ANXA4: variants seen among roughly 807,000 people sequenced by gnomAD.
ANXA4 encodes the protein annexin A4.
A neutral mutation model predicts 49.8 loss-of-function variants in ANXA4; 39 were observed. The ratio of observed to expected loss-of-function variants is 0.78; its 90% CI spans 0.61 to 1.02. The LOEUF (loss-of-function observed/expected upper bound fraction) is 1.02. ANXA4 is among the 50% of genes least tolerant of loss of function. ANXA4 has a pLI of 0.00. For synonymous variants in ANXA4, 134 were observed against 152.5 expected, an observed-to-expected ratio of 0.88 and a Z score of 0.89; for missense variants, 360 against 410.1, an observed-to-expected ratio of 0.88 and a Z score of 1.05.
At chr2:69,656,863 G>C (rs1386055651) in intron 2 of ANXA4, among the ~76,000 whole-genome samples, 1 of 151,900 alleles carries the variant, frequency 6.6e-6, no homozygotes. Context: ...AGTTCTTGCT[G>C]GTGTAACAGG....
rs72903016 is a variant in ANXA4, at chr2:69,732,901, G to T, written n.864+12030G>T. Among the ~76,000 whole-genome samples, 1,030 of 152,360 alleles carry T rather than the reference G, an allele frequency of 6.8e-3. 13 individuals carry two copies. Among genetic ancestry groups the T allele is most frequent in the African/African-American group, 0.023 (960 of 41,586 alleles). On this transcript the variant is annotated intron_variant and non_coding_transcript_variant, in intron 3 of 3. Coordinates refer to the ANXA4 transcript ENST00000418066. ...GCCCAGGTTGGATGTGGAGCAAGCT[G>T]TGGGTGCCACCTTTTCCTTGGAGAC...
intron 1 of ANXA4, 87 bp from the exon 2 acceptor site, chr2:69,781,433 G>A: frequency 9.0e-7 from 1 of 1,117,248 alleles, no homozygotes; most frequent in Non-Finnish European, 1.3e-6. Flanking sequence ...TCATGGCTTA[G>A]CTTCATGCAA....
chr2:69,675,187 G>T (rs1401720837), intron 2 of ANXA4, among the ~76,000 whole-genome samples: 2 of 152,134 alleles, frequency 1.3e-5, no homozygotes, highest in Admixed American at 6.6e-5. Flanking sequence ...CTCCCAAAGT[G>T]CTGGGATTAC....
Position 69,799,899 on chromosome 2 carries a change from G to A in ANXA4, c.98-4634G>A, listed in dbSNP as rs116167475. Among the ~76,000 whole-genome samples the A allele has an allele frequency of 6.9e-3, 1,043 of 152,244 alleles. 4 individuals carry two copies. Among genetic ancestry groups the A allele is most frequent in the Non-Finnish European group, 0.011 (782 of 68,014 alleles). ...AATGTTGCTAACAGTAACAACAACC[G>A]TAGCAATAATAGAAAATGTTTATTA... is the stretch of plus-strand genomic sequence containing the variant. On this transcript the variant is annotated intron_variant, in intron 3 of 12. Transcript: ENST00000394295.
At position 69,805,046 on chromosome 2, in the gene ANXA4, CAAAAAAAA is replaced by C. The variant is rs60172949; in HGVS notation, c.192+438_192+445del. ...TGGGCAACAGAGACAGACTCCATCT[CAAAAAAAA>C]AAAAAAAAAAAAAAAAAAGAATAGC... On this transcript the variant is annotated intron_variant, in intron 4 of 12. Coordinates refer to ENST00000394295, the MANE Select transcript of ANXA4 (RefSeq NM_001153.5). Among the ~76,000 whole-genome samples, 33 of 35,876 alleles carry C rather than the reference CAAAAAAAA, an allele frequency of 9.2e-4. 1 individual carries two copies. The East Asian group carries it at 0.032, about 35-fold the overall frequency. 23.5% of individuals were successfully genotyped at this position (35,876 alleles called of 152,430 possible).
chr2:69,740,923 C>G (rs1282143683), upstream of ANXA4, among the ~76,000 whole-genome samples: 17 of 145,076 alleles, frequency 1.2e-4, no homozygotes, highest in African/African-American at 4.1e-4. Flanking sequence ...AACTCCTGGG[C>G]TAAAGTGATC....
intron 3 of ANXA4, among the ~76,000 whole-genome samples, chr2:69,803,941 C>T (rs990582401): frequency 6.6e-6 from 1 of 152,006 alleles, no homozygotes; most frequent in African/African-American, 2.4e-5. Context: ...AGCTCAAGAC[C>T]AGCCTGGTCA....
chr2:69,717,369 C>T (rs76713202), intron 2 of ANXA4, among the ~76,000 whole-genome samples: 7,608 of 152,132 alleles, frequency 0.05, 609 homozygotes, highest in African/African-American at 0.17. Flanking sequence ...GCCTTTCATC[C>T]CACACTCCCA....
chr2:69,646,198 A>G (rs565784624), intron 1 of ANXA4, among the ~76,000 whole-genome samples: 32 of 152,326 alleles, frequency 2.1e-4, no homozygotes, highest in African/African-American at 7.7e-4. Flanking sequence ...TACAACTCTT[A>G]GTAATTTTTT....
At chr2:69,772,302 G>A (rs1057258630) in intron 1 of ANXA4, among the ~76,000 whole-genome samples, 6 of 152,332 alleles carry the variant, frequency 3.9e-5, no homozygotes, top group East Asian at 3.9e-4. Flanking sequence ...TGCAGCTTAT[G>A]GATTGTAGAA....
intron 1 of ANXA4, among the ~76,000 whole-genome samples, chr2:69,746,796 T>G (rs531954003): frequency 1.3e-5 from 2 of 149,350 alleles, no homozygotes; most frequent in East Asian, 4.0e-4. Flanking sequence ...ACATGGAGAA[T>G]TCTGTCTCTA....
intron 1 of ANXA4, among the ~76,000 whole-genome samples, chr2:69,770,129 CA>C (rs1238126297): frequency 1.3e-5 from 2 of 152,170 alleles, no homozygotes; most frequent in African/African-American, 4.8e-5. Context: ...GGCAGGCCTC[CA>C]AATTTGTTTT....
upstream of ANXA4, among the ~76,000 whole-genome samples, chr2:69,738,676 A>G (rs1670304166): frequency 6.6e-6 from 1 of 152,114 alleles, no homozygotes; most frequent in African/African-American, 2.4e-5. Flanking sequence ...CTTGGAGTAA[A>G]CTTTCTGGAA....
chr2:69,689,856 G>T (rs993719214), intron 2 of ANXA4, among the ~76,000 whole-genome samples: 2 of 151,844 alleles, frequency 1.3e-5, no homozygotes, highest in African/African-American at 4.8e-5. Context: ...TTCTATCCCA[G>T]TCCCTCTACC....
rs149414901 is a variant in ANXA4 at position 69,779,736 on chromosome 2, C to T, written c.-46-1784C>T. ...GTATTCTGTAGCCAGACTCCTCAGC[C>T]GGCCGTGCAAGGCCCATACCATTCA... is the stretch of plus-strand genomic sequence containing the variant. On this transcript the variant is annotated intron_variant, in intron 1 of 12. Coordinates refer to ENST00000394295, the MANE Select transcript of ANXA4 (RefSeq NM_001153.5). Among the ~76,000 whole-genome samples the T allele has an allele frequency of 6.2e-4, 95 of 152,342 alleles. 2 individuals carry two copies. In the East Asian group the frequency reaches 0.016, roughly 25 times the overall value.
intron 1 of ANXA4, among the ~76,000 whole-genome samples, chr2:69,743,719 C>A (rs538974208): frequency 6.6e-6 from 1 of 152,328 alleles, no homozygotes; most frequent in African/African-American, 2.4e-5. Flanking sequence ...CACAAGTACA[C>A]CCCTGCCCCC....
upstream of ANXA4, chr2:69,741,971 C>T (rs1275921160): frequency 2.6e-5 from 4 of 152,236 alleles, no homozygotes; most frequent in Non-Finnish European, 5.9e-5. Context: ...CCGAGAGCTC[C>T]TGGCGCGGCC....
intron 2 of ANXA4, among the ~76,000 whole-genome samples, chr2:69,653,529 T>C (rs1676329951): frequency 6.6e-6 from 1 of 152,072 alleles, no homozygotes; most frequent in African/African-American, 2.4e-5. Context: ...GAGAGGAAAA[T>C]ACCCTAATTC....
At chr2:69,666,864 G>T (rs1254246147) in intron 2 of ANXA4, among the ~76,000 whole-genome samples, 1 of 152,038 alleles carries the variant, frequency 6.6e-6, no homozygotes, top group Non-Finnish European at 1.5e-5. Context: ...TGGCCAACAT[G>T]GCAAAATCCT....
Sources: allele counts gnomAD v4.1 joint callset (sites outside exome capture counted in the v4.1 genomes callset), GRCh38; gene constraint gnomAD v4.1.1; transcripts MANE v1.5; gene names NCBI Gene and HGNC (gene_info 2026-07-23, HGNC 2026-07-21).